IDH1: variants seen among roughly 807,000 people sequenced by gnomAD.
IDH1 encodes isocitrate dehydrogenase (NADP(+)) 1.
In IDH1, 33 loss-of-function variants were observed where a neutral mutation model predicts 46.1. The ratio of observed to expected loss-of-function variants is 0.72; its 90% confidence interval spans 0.54 to 0.96. IDH1 has a LOEUF of 0.96. Ranked by LOEUF, IDH1 falls within the 40% of genes least tolerant of loss-of-function variation. IDH1 has a pLI of 0.00. For synonymous variants in IDH1, 144 were observed against 172.8 expected (o/e 0.83, Z 1.31); for missense variants, 421 against 515.7 (o/e 0.82, Z 1.78).
At position 208,253,545 on chromosome 2, in the gene IDH1, C is replaced by A. The variant is rs73983721; in HGVS notation, c.-17+341G>T. ...CATATGAAGTAGCTGAATCCTATCTCCTAACATAATTGTGCAATTCCAGAA... is the reference window on the plus strand; with the variant it reads ...CATATGAAGTAGCTGAATCCTATCTACTAACATAATTGTGCAATTCCAGAA... On this transcript the variant is annotated intron_variant, in intron 2 of 9. Transcript: ENST00000345146. Among the ~76,000 whole-genome samples the A allele has an allele frequency of 6.5e-3, 996 of 152,254 alleles. 12 individuals carry two copies. The highest frequency in any genetic ancestry group is 0.023 in the African/African-American group (944 of 41,532).
Position 208,239,135 on chromosome 2 carries a change from T to A in IDH1, c.1090A>T (p.Ile364Phe), listed in dbSNP as rs372711897. The A allele has an allele frequency of 1.9e-6, 3 of 1,613,946 alleles. No homozygotes were observed. Among genetic ancestry groups the A allele is most frequent in the Non-Finnish European group, 2.5e-6 (3 of 1,179,936 alleles). ...FFANALEEVS[I>F]ETIEAGFMTK... ...ATGAAGCCAGCCTCAATTGTCTCAA[T>A]AGAGACTTCTTCCAAAGCATTTGCA... Residue 364 changes from isoleucine (I) to phenylalanine (F), a missense_variant, in exon 9 of 10, where the codon ATT becomes TTT. Physicochemically the swap from Ile to Phe is conservative, Grantham distance 21. Coordinates refer to ENST00000345146, the MANE Select transcript of IDH1 (RefSeq NM_005896.4).
intron 6 of IDH1, among the ~76,000 whole-genome samples, chr2:208,242,909 C>T (rs113593983): frequency 5.3e-5 from 8 of 151,884 alleles, no homozygotes; most frequent in South Asian, 2.1e-4. Context: ...GGACTAGAGG[C>T]GCCCGCCACC....
chr2:208,238,968 A>G, intron 9 of IDH1, 103 bp downstream of exon 9: 1 of 1,057,024 alleles, frequency 9.5e-7, no homozygotes, highest in South Asian at 1.3e-5. Context: ...CCTGAACTAG[A>G]TGATGAATAA....
At position 208,243,553 on chromosome 2, in the gene IDH1, T is replaced by A; in HGVS notation, c.572A>T (p.Asp191Val). Residue 191 changes from aspartate (D) to valine (V), a missense_variant, in exon 6 of 10, where the codon GAT (aspartate) becomes GTT (valine). Coordinates refer to ENST00000345146, the MANE Select transcript of IDH1 (RefSeq NM_005896.4). The part of the protein sequence containing the change: ...GMYNQDKSIE[D>V]FAHSSFQMAL... ...CATTTGGAAGGAACTGTGTGCAAAA[T>A]CTTCAATTGACTTATCTTGATTATA... The A allele has an allele frequency of 2.5e-6, 4 of 1,614,012 alleles. No homozygotes were observed. Among genetic ancestry groups the A allele is most frequent in the Non-Finnish European group, 3.4e-6 (4 of 1,179,902 alleles).
In IDH1 at chr2:208,245,351, T is replaced by A; in HGVS notation, c.488A>T (p.Gln163Leu). 1 of 1,610,088 alleles carries A rather than the reference T, an allele frequency of 6.2e-7. No individual in the cohort carries two copies. Among genetic ancestry groups the A allele is most frequent in the Non-Finnish European group, 8.5e-7 (1 of 1,177,030 alleles). ...EITYTPSDGT[Q>L]KVTYLVHNFE... The stretch of plus-strand genomic sequence containing the variant: ...GTTATGTACCAGGTATGTCACCTTT[T>A]GGGTTCCGTCACTTGGTGTGTAGGT... The change falls in exon 5 of 10, where the codon CAA becomes CTA. Residue 163 changes from glutamine (Q) to leucine (L), a missense_variant. Transcript: ENST00000345146.
At chr2:208,253,025 CA>C (rs1688152045) in intron 2 of IDH1, among the ~76,000 whole-genome samples, 1 of 151,978 alleles carries the variant, frequency 6.6e-6, no homozygotes, top group Non-Finnish European at 1.5e-5. Flanking sequence ...TGTTTTAAAA[CA>C]AAGCAAAAAA....
At chr2:208,243,057 C>A (rs1439378378) in intron 6 of IDH1, among the ~76,000 whole-genome samples, 1 of 152,192 alleles carries the variant, frequency 6.6e-6, no homozygotes, top group Non-Finnish European at 1.5e-5. Flanking sequence ...AGCCACCGTG[C>A]CTGGCCAACA....
At chr2:208,254,351 C>T (rs544927674) in intron 1 of IDH1, 1 of 143,960 alleles carries the variant, frequency 6.9e-6, no homozygotes, top group Non-Finnish European at 1.5e-5. Flanking sequence ...ACCTTTTAAA[C>T]TCCAGGCACC....
intron 2 of IDH1, 29 bp from the exon 3 acceptor site, chr2:208,251,596 G>A (rs1357881101): frequency 6.4e-7 from 1 of 1,569,644 alleles, no homozygotes; most frequent in Admixed American, 1.7e-5. Context: ...TACATGCCTT[G>A]TCATTTATTT....
At chr2:208,253,590 TAC>T (rs1688161387) in intron 2 of IDH1, among the ~76,000 whole-genome samples, 1 of 152,186 alleles carries the variant, frequency 6.6e-6, no homozygotes, top group Non-Finnish European at 1.5e-5. Flanking sequence ...GGAATAACAA[TAC>T]AGAGTAGTTT....
At chr2:208,243,378 G>T in intron 6 of IDH1, 49 bp downstream of exon 6, 1 of 1,366,438 alleles carries the variant, frequency 7.3e-7, no homozygotes, top group Non-Finnish European at 1.0e-6. Context: ...ATATGCAAAT[G>T]TCAGCTTACT....
chr2:208,249,023 CT>C (rs1298043284), intron 3 of IDH1, among the ~76,000 whole-genome samples: 6 of 152,138 alleles, frequency 3.9e-5, no homozygotes, highest in South Asian at 4.1e-4. Flanking sequence ...TAAGGACCAC[CT>C]TTTTCCCTTA....
chr2:208,250,121 T>C (rs1301121480), intron 3 of IDH1, among the ~76,000 whole-genome samples: 2 of 152,060 alleles, frequency 1.3e-5, no homozygotes, highest in Non-Finnish European at 2.9e-5. Context: ...CTCCAAAAAT[T>C]ATCTAGTCTG....
intron 3 of IDH1, among the ~76,000 whole-genome samples, chr2:208,250,969 C>T (rs1340919307): frequency 6.6e-6 from 1 of 152,166 alleles, no homozygotes; most frequent in Non-Finnish European, 1.5e-5. Flanking sequence ...ATACATTGTA[C>T]TATTCTTAGC....
At chr2:208,241,730 G>A (rs1345611507) in intron 7 of IDH1, among the ~76,000 whole-genome samples, 1 of 152,124 alleles carries the variant, frequency 6.6e-6, no homozygotes, top group African/African-American at 2.4e-5. Flanking sequence ...GAAAGGGAGT[G>A]ATTTTCAGAT....
chr2:208,252,174 G>A (rs558073319), intron 2 of IDH1, among the ~76,000 whole-genome samples: 19 of 152,322 alleles, frequency 1.2e-4, no homozygotes, highest in Middle Eastern at 3.4e-3. Flanking sequence ...GTCTAAAAGC[G>A]AGACGAAGAA....
Position 208,236,369 on chromosome 2 carries a change from A to C in IDH1, c.*710T>G. 1 of 229,606 alleles carries C rather than the reference A, an allele frequency of 4.4e-6. No homozygotes were observed. The highest frequency in any genetic ancestry group is 8.7e-6 in the Non-Finnish European group (1 of 115,582). The allele number at this position is 229,606 out of a possible 1,614,324, so 14.2% of individuals were successfully genotyped here. ...GAAGTCCAAAAAAGATTCAGCTTAC[A>C]TTATTGCACTTGGATGAAATATGCT... On this transcript the variant is annotated 3_prime_UTR_variant, in exon 10 of 10. Coordinates refer to ENST00000345146, the MANE Select transcript of IDH1 (RefSeq NM_005896.4).
chr2:208,247,936 G>T (rs186497092), intron 4 of IDH1: 71 of 231,250 alleles, frequency 3.1e-4, no homozygotes, highest in African/African-American at 1.6e-3. Context: ...TTTGTGTAGG[G>T]TGGTACTCAA....
chr2:208,246,005 A>T (rs1688015395), intron 4 of IDH1, among the ~76,000 whole-genome samples: 1 of 152,244 alleles, frequency 6.6e-6, no homozygotes. Flanking sequence ...ATGATATAGT[A>T]GAAATAATGC....
Sources: allele counts gnomAD v4.1 joint callset (sites outside exome capture counted in the v4.1 genomes callset), GRCh38; gene constraint gnomAD v4.1.1; transcripts MANE v1.5; gene names NCBI Gene and HGNC (gene_info 2026-07-23, HGNC 2026-07-21).